Variants in ZNF740 observed in about 807,000 individuals in gnomAD.
ZNF740 encodes the protein oriLyt TD-element-binding protein 7.
A neutral mutation model predicts 24.8 loss-of-function variants in ZNF740; 14 were observed. The observed-to-expected ratio is 0.56, with a 90% CI of 0.37 to 0.88. ZNF740 has a LOEUF of 0.88. Among genes scored for constraint, ZNF740 ranks in the 40% least tolerant of loss-of-function variants. The probability of loss-of-function intolerance (pLI) is 0.00; values close to 1 mark genes in which losing one functional copy is unlikely to be tolerated. For missense variants in ZNF740, 201 were observed against 247.9 expected, an observed-to-expected ratio of 0.81 and a Z score of 1.27; for synonymous variants, 69 against 84.0, an observed-to-expected ratio of 0.82 and a Z score of 0.98.
In ZNF740 at chr12:53,188,911, A is replaced by AGT. The variant is rs1470583236; in HGVS notation, c.*1329_*1330dup. On this transcript the variant is annotated 3_prime_UTR_variant, in exon 7 of 7. Transcript: ENST00000416904. ...GGGTGTGTGTGTGTGTGTGAGAGAG[A>AGT]GTGTGTGTGAGATATGAATGCATGT... 6.6e-6 allele frequency: 1 copy of AGT among 151,894 alleles called. No homozygotes were observed. The highest frequency in any genetic ancestry group is 1.5e-5 in the Non-Finnish European group (1 of 67,970). The allele number at this position is 151,894 out of a possible 1,614,324, so 9.4% of individuals were successfully genotyped here.
In ZNF740 at chr12:53,193,892, A is replaced by C. The variant is rs752366519; in HGVS notation, c.*6302A>C. 34 of 1,612,652 alleles carry C rather than the reference A, an allele frequency of 2.1e-5. No individual in the cohort carries two copies. The highest frequency in any genetic ancestry group is 2.8e-5 in the Non-Finnish European group (33 of 1,179,322). The stretch of plus-strand genomic sequence containing the variant: ...CAGTGGGTGGCTTGGAGAGAAACCC[A>C]GAAAGTCACCTGAGAAGAGGCAGGA... On this transcript the variant is annotated 3_prime_UTR_variant, in exon 7 of 7. Transcript: ENST00000416904.
chr12:53,191,314 C>CTGTGGCCTTGATGAGGTAA lies in ZNF740; in HGVS notation c.*3724_*3725insTGTGGCCTTGATGAGGTAA. ...GCCTTGATGAGGTAAAGCAAAGTGACAGCTGTGGTCTGAGGTAAGACTTTA... is the reference window on the plus strand; with the variant it reads ...GCCTTGATGAGGTAAAGCAAAGTGACTGTGGCCTTGATGAGGTAAAGCTGTGGTCTGAGGTAAGACTTTA... On this transcript the variant is annotated 3_prime_UTR_variant, in exon 7 of 7. Transcript: ENST00000416904. The CTGTGGCCTTGATGAGGTAA allele has an allele frequency of 1.9e-6, 1 of 527,048 alleles. No individual in the cohort carries two copies. Among genetic ancestry groups the CTGTGGCCTTGATGAGGTAA allele is most frequent in the Non-Finnish European group, 3.4e-6 (1 of 290,058 alleles). 32.6% of individuals were successfully genotyped at this position (527,048 alleles called of 1,614,324 possible). A position where few individuals can be genotyped will look rare whatever the true frequency, so the allele number is the denominator to read the frequency against.
At position 53,182,053 on chromosome 12, in the gene ZNF740, T is replaced by A. The variant is rs534603070; in HGVS notation, c.9+61T>A. 1.8e-5 allele frequency: 28 copies of A among 1,582,992 alleles called. No individual in the cohort carries two copies. In the South Asian group the frequency reaches 3.0e-4, roughly 17 times the overall value. The stretch of plus-strand genomic sequence containing the variant: ...GGAAGCCTGTTTGCAGTTTCACTCT[T>A]GAATGCTGCCTTAGTCAACATATTG... On this transcript the variant is annotated intron_variant, in intron 2 of 6. Transcript: ENST00000416904.
rs1017309968 is a variant in ZNF740, at chr12:53,192,823, C to A, written c.*5233C>A. The A allele has an allele frequency of 1.9e-6, 3 of 1,614,234 alleles. No homozygotes were observed. The highest frequency in any genetic ancestry group is 2.5e-6 in the Non-Finnish European group (3 of 1,180,050). ...GCAGAGCCCTCCCTCGGGACTGATG[C>A]AACTGTCCATGTCCCCACTGCATTC... is the stretch of plus-strand genomic sequence containing the variant. On this transcript the variant is annotated 3_prime_UTR_variant, in exon 7 of 7. Transcript: ENST00000416904.
rs1942028862 is a variant in ZNF740 at position 53,193,160 on chromosome 12, T to C, written c.*5570T>C. The stretch of plus-strand genomic sequence containing the variant: ...GGTACCTCCGCAGAGGATGCCCTCA[T>C]GTCGCTCACAGCTGGCATCGTCACA... On this transcript the variant is annotated 3_prime_UTR_variant, in exon 7 of 7. Coordinates refer to ENST00000416904, the MANE Select transcript of ZNF740 (RefSeq NM_001004304.4). 6.2e-7 allele frequency: 1 copy of C among 1,611,952 alleles called. No homozygotes were observed. The highest frequency in any genetic ancestry group is 1.3e-5 in the African/African-American group (1 of 74,884).
At position 53,180,745 on chromosome 12, in the gene ZNF740, G is replaced by T. The variant is rs1322555652; in HGVS notation, c.-400G>T. On this transcript the variant is annotated 5_prime_UTR_variant, in exon 1 of 7. Coordinates refer to ENST00000416904, the MANE Select transcript of ZNF740 (RefSeq NM_001004304.4). The stretch of plus-strand genomic sequence containing the variant: ...TTGTAAACTTGCCTCGGTCCCGGTG[G>T]GGGCAGCCGCGGCGGTGGGGTTGGC... The T allele has an allele frequency of 2.4e-6, 3 of 1,266,108 alleles. No individual in the cohort carries two copies. Among genetic ancestry groups the T allele is most frequent in the African/African-American group, 3.2e-5 (2 of 63,392 alleles). 78.4% of individuals were successfully genotyped at this position (1,266,108 alleles called of 1,614,324 possible).
In ZNF740 at chr12:53,187,534, A is replaced by G; in HGVS notation, c.526A>G (p.Lys176Glu). 6.2e-7 allele frequency: 1 copy of G among 1,614,018 alleles called. No individual in the cohort carries two copies. ...FSRTDRLLRH[K>E]RMCQGCQSKT... ...TCGGACAGATCGATTACTCAGACAC[A>G]AACGGATGTGCCAAGGGTGCCAGTC... The change falls in exon 7 of 7, where the codon AAA (lysine) becomes GAA (glutamate). Residue 176 changes from lysine to glutamate, a missense_variant. Coordinates refer to ENST00000416904, the MANE Select transcript of ZNF740 (RefSeq NM_001004304.4).
rs1487481555 is a variant in ZNF740 at position 53,186,276 on chromosome 12, T to G, written c.374-115T>G. 5 of 1,169,256 alleles carry G rather than the reference T, an allele frequency of 4.3e-6. No individual in the cohort carries two copies. The Admixed American group carries it at 1.2e-4, about 27-fold the overall frequency. 72.4% of individuals were successfully genotyped at this position (1,169,256 alleles called of 1,614,324 possible). A position where few individuals can be genotyped will look rare whatever the true frequency, so the allele number is the denominator to read the frequency against. On this transcript the variant is annotated intron_variant, in intron 5 of 6. Transcript: ENST00000416904. ...AGCACCTTTGGGGACCTCTCCCCAT[T>G]TATGATCACTTAGGTGTCTACACAT...
In ZNF740 at chr12:53,193,657, G is replaced by A. The variant is rs1368236318; in HGVS notation, c.*6067G>A. On this transcript the variant is annotated 3_prime_UTR_variant, in exon 7 of 7. Transcript: ENST00000416904. ...AAGCAGCGGAGGAATACGGGCCAGG[G>A]TTGGTTGGTTGTTGGGAGCCAGGTG... 2 of 1,497,242 alleles carry A rather than the reference G, an allele frequency of 1.3e-6. No individual in the cohort carries two copies. Among genetic ancestry groups the A allele is most frequent in the Admixed American group, 1.8e-5 (1 of 54,230 alleles). The allele number at this position is 1,497,242 out of a possible 1,614,324, so 92.7% of individuals were successfully genotyped here. A position where few individuals can be genotyped will look rare whatever the true frequency, so the allele number is the denominator to read the frequency against.
chr12:53,184,142 TGTGTGTGTGCGC>T (rs1158476945), intron 2 of ZNF740, among the ~76,000 whole-genome samples: 6 of 104,632 alleles, frequency 5.7e-5, no homozygotes, highest in African/African-American at 2.1e-4. Flanking sequence ...TGTGTGTGTG[TGTGTGTGTGCGC>T]GCGCGCGCTC....
In ZNF740 at chr12:53,184,922, G is replaced by T; in HGVS notation, c.41G>T (p.Gly14Val). The change falls in exon 3 of 7, where the codon GGT (glycine) becomes GTT (valine). Residue 14 changes from glycine (G) to valine (V), a missense_variant. Gly to Val is a moderately radical substitution (Grantham distance 109). This residue lies in a region of ZNF740 where 117 missense variants were observed against 122.3 expected (regional missense o/e 0.96). Coordinates refer to ENST00000416904, the MANE Select transcript of ZNF740 (RefSeq NM_001004304.4). ...CTCCTGGCTTGTGAAGGCCTAGCAGGTGTGAGTTTGGTTCCCACTGCAGCC... is the reference window on the plus strand; with the variant it reads ...CTCCTGGCTTGTGAAGGCCTAGCAGTTGTGAGTTTGGTTCCCACTGCAGCC... ...ASLLACEGLA[G>V]VSLVPTAASK... 1.2e-6 allele frequency: 2 copies of T among 1,613,868 alleles called. No individual in the cohort carries two copies. The highest frequency in any genetic ancestry group is 1.7e-6 in the Non-Finnish European group (2 of 1,179,826).
Position 53,186,510 on chromosome 12 carries a change from G to C in ZNF740, c.492+1G>C. The C allele has an allele frequency of 6.4e-7, 1 of 1,558,724 alleles. No individual in the cohort carries two copies. Among genetic ancestry groups the C allele is most frequent in the Non-Finnish European group, 8.7e-7 (1 of 1,149,960 alleles). ...TTACCAGTGTGAACGGTGTCATCAG[G>C]TAAGGCTCATCCCTGCTACAATACC... is the stretch of plus-strand genomic sequence containing the variant. On this transcript the variant is annotated splice_donor_variant, in intron 6 of 6. Transcript: ENST00000416904. LOFTEE classifies it high-confidence loss of function.
chr12:53,181,374 G>A (rs1044233069), intron 1 of ZNF740: 67 of 985,292 alleles, frequency 6.8e-5, no homozygotes, highest in Non-Finnish European at 7.2e-5. Flanking sequence ...CCGGCCCACT[G>A]GGCACAAAAG....
At position 53,190,560 on chromosome 12, in the gene ZNF740, T is replaced by C. The variant is rs954810938; in HGVS notation, c.*2970T>C. On this transcript the variant is annotated 3_prime_UTR_variant, in exon 7 of 7. Coordinates refer to ENST00000416904, the MANE Select transcript of ZNF740 (RefSeq NM_001004304.4). ...ACGCCCATGGCTTGACATTGGAGGG[T>C]TACATTAGTGGAGTCCGCCACAGCT... 3 of 152,586 alleles carry C rather than the reference T, an allele frequency of 2.0e-5. No homozygotes were observed. The highest frequency in any genetic ancestry group is 4.8e-5 in the African/African-American group (2 of 41,418). The allele number at this position is 152,586 out of a possible 1,614,324, so 9.5% of individuals were successfully genotyped here.
rs1942098895 is a variant in ZNF740 at position 53,194,796 on chromosome 12, G to A, written c.*7206G>A. The A allele has an allele frequency of 5.7e-6, 1 of 174,160 alleles. No homozygotes were observed. Among genetic ancestry groups the A allele is most frequent in the Non-Finnish European group, 1.2e-5 (1 of 80,122 alleles). 10.8% of individuals were successfully genotyped at this position (174,160 alleles called of 1,614,324 possible). On this transcript the variant is annotated 3_prime_UTR_variant, in exon 7 of 7. Transcript: ENST00000416904. ...AAGAAGCCTACAGCCTAGTTGCAGA[G>A]GTAAGACCTAAACCACTAAGAATTT... is the stretch of plus-strand genomic sequence containing the variant.
rs1197359462 is a variant in ZNF740 at position 53,188,436 on chromosome 12, A to G, written c.*846A>G. ...TTGGGGAGTCGGTCTTGGAGATGGT[A>G]TGTGGCTACCTCGCTGCCATTGACT... On this transcript the variant is annotated 3_prime_UTR_variant, in exon 7 of 7. Transcript: ENST00000416904. 6.6e-6 allele frequency: 1 copy of G among 152,554 alleles called. No homozygotes were observed. The highest frequency in any genetic ancestry group is 2.4e-5 in the African/African-American group (1 of 41,412). The allele number at this position is 152,554 out of a possible 1,614,324, so 9.5% of individuals were successfully genotyped here.
intron 2 of ZNF740, among the ~76,000 whole-genome samples, chr12:53,182,430 C>T (rs1941685330): frequency 6.6e-6 from 1 of 152,004 alleles, no homozygotes; most frequent in Non-Finnish European, 1.5e-5. Context: ...TAGTTGGGGT[C>T]GGGAGAGGGA....
In ZNF740 at chr12:53,193,474, A is replaced by G. The variant is rs1942041307; in HGVS notation, c.*5884A>G. 9 of 837,980 alleles carry G rather than the reference A, an allele frequency of 1.1e-5. No homozygotes were observed. Among genetic ancestry groups the G allele is most frequent in the East Asian group, 2.7e-5 (1 of 37,218 alleles). 51.9% of individuals were successfully genotyped at this position (837,980 alleles called of 1,614,324 possible). On this transcript the variant is annotated 3_prime_UTR_variant, in exon 7 of 7. Transcript: ENST00000416904. Reference sequence around the variant, plus strand: ...TTCTCAAAAGAGTTGGAGACAGACAAACAGCTGAAAGGATGTTAAGTATAG... The same window carrying G: ...TTCTCAAAAGAGTTGGAGACAGACAGACAGCTGAAAGGATGTTAAGTATAG...
In ZNF740 at chr12:53,193,680, G is replaced by T; in HGVS notation, c.*6090G>T. The T allele has an allele frequency of 1.3e-6, 2 of 1,577,230 alleles. No homozygotes were observed. Among genetic ancestry groups the T allele is most frequent in the Non-Finnish European group, 8.6e-7 (1 of 1,158,604 alleles). ...GGGTTGGTTGGTTGTTGGGAGCCAG[G>T]TGGTTGAAGGGAAGAGGAGGCCCTC... On this transcript the variant is annotated 3_prime_UTR_variant, in exon 7 of 7. Transcript: ENST00000416904.
Sources: allele counts gnomAD v4.1 joint callset (sites outside exome capture counted in the v4.1 genomes callset), GRCh38; gene constraint gnomAD v4.1.1; regional missense constraint gnomAD v4.1.1; transcripts MANE v1.5; gene names NCBI Gene and HGNC (gene_info 2026-07-23, HGNC 2026-07-21).